RBMX: variants seen among roughly 807,000 people sequenced by gnomAD.
RBMX encodes RNA binding motif protein X-linked, also known as RNA-binding motif protein, X chromosome.
A neutral mutation model predicts 29.3 loss-of-function variants in RBMX; 1 was observed. That is an observed-to-expected ratio of 0.03 (90% CI 0.01 to 0.16). The LOEUF is 0.16. Ranked by LOEUF, RBMX falls within the 10% of genes least tolerant of loss-of-function variation. RBMX has a pLI of 1.00. For missense variants in RBMX, 121 were observed against 333.2 expected (o/e 0.36, Z 4.96); for synonymous variants, 102 against 102.3 (o/e 1.00, Z 0.02).
At chrX:136,874,973 T>G in intron 8 of RBMX, 113 bp downstream of exon 8, 1 of 1,109,901 alleles carries the variant, frequency 9.0e-7, no homozygotes, top group Non-Finnish European at 1.2e-6. Context: ...AGTTACCCCT[T>G]TAAAAGCAAG....
chrX:136,874,084 A>G lies in RBMX; in HGVS notation c.*58T>C. 8.6e-7 allele frequency: 1 copy of G among 1,157,060 alleles called. No homozygotes were observed. The highest frequency in any genetic ancestry group is 1.1e-6 in the Non-Finnish European group (1 of 870,176). On this transcript the variant is annotated 3_prime_UTR_variant, in exon 9 of 9. Coordinates refer to ENST00000320676, the MANE Select transcript of RBMX (RefSeq NM_002139.4). ...GTAGTCCTTGGGTAGTTATGATAGA[A>G]TAGTTTCCACTTTTTGTTTCTTTGA...
intron 8 of RBMX, chrX:136,874,821 G>T: frequency 2.4e-6 from 1 of 418,494 alleles, no homozygotes; most frequent in Non-Finnish European, 3.6e-6. Flanking sequence ...TTTTTAAATT[G>T]TATTTTCACT....
At chrX:136,872,201 C>T (rs993513566), downstream of RBMX, 2 of 877,779 alleles carry the variant, frequency 2.3e-6, no homozygotes, top group African/African-American at 4.1e-5. Flanking sequence ...TTGCCAATGT[C>T]ACAGCTAAAC....
At chrX:136,878,338 T>C (rs1396916818) in intron 3 of RBMX, among the ~76,000 whole-genome samples, 1 of 111,224 alleles carries the variant, frequency 9.0e-6, no homozygotes, top group Non-Finnish European at 1.9e-5. Flanking sequence ...TATTGTATGG[T>C]AAAATTTAAA....
chrX:136,871,108 G>A (rs1352234224), downstream of RBMX, among the ~76,000 whole-genome samples: 2 of 101,903 alleles, frequency 2.0e-5, no homozygotes, highest in Non-Finnish European at 4.0e-5. Flanking sequence ...GTGCAAAACT[G>A]TCTCAGAAGA....
chrX:136,873,968 CAT>C lies in RBMX; in HGVS notation c.*172_*173del, dbSNP rs1304080406. On this transcript the variant is annotated 3_prime_UTR_variant, in exon 9 of 9. Transcript: ENST00000320676. Reference sequence around the variant, plus strand: ...AATGCGAAAGTCAAATAAAATTAAACATGTTTTACTTTTTTCCTCACAAGAAC... The same window carrying C: ...AATGCGAAAGTCAAATAAAATTAAACGTTTTACTTTTTTCCTCACAAGAAC... The C allele has an allele frequency of 1.1e-5, 12 of 1,080,470 alleles. No individual in the cohort carries two copies. Among genetic ancestry groups the C allele is most frequent in the Non-Finnish European group, 9.6e-6 (8 of 833,654 alleles). 89.0% of individuals were successfully genotyped at this position (1,080,470 alleles called of 1,213,427 possible).
Position 136,876,584 on chromosome X carries a change from G to T in RBMX, c.460C>A (p.Pro154Thr). The T allele has an allele frequency of 8.3e-7, 1 of 1,209,076 alleles. No homozygotes were observed. The highest frequency in any genetic ancestry group is 1.1e-6 in the Non-Finnish European group (1 of 894,122). ...RGPLPVKRGP[P>T]PRSGGPPPKR... The stretch of plus-strand genomic sequence containing the variant: ...GGAGGAGGACCCCCACTTCTTGGTG[G>T]TGGTCCTCTTTTTACTGGGAGTGGT... Residue 154 changes from proline (P) to threonine (T), a missense_variant, in exon 5 of 9, where the codon CCA (proline) becomes ACA (threonine). Transcript: ENST00000320676.
chrX:136,872,001 G>A (rs767322210), downstream of RBMX, among the ~76,000 whole-genome samples: 8 of 111,040 alleles, frequency 7.2e-5, no homozygotes, highest in African/African-American at 9.8e-5. Flanking sequence ...GCTTGCATAT[G>A]AAGAGCTATA....
intron 4 of RBMX, 60 bp from the exon 5 acceptor site, chrX:136,876,715 A>AT: frequency 1.4e-5 from 13 of 942,501 alleles, no homozygotes; most frequent in South Asian, 2.7e-5. Context: ...AAGATATAAA[A>AT]GTTTTTTTTT....
intron 4 of RBMX, among the ~76,000 whole-genome samples, chrX:136,877,009 G>A (rs1408596654): frequency 9.3e-6 from 1 of 107,584 alleles, no homozygotes; most frequent in Non-Finnish European, 1.9e-5. Context: ...ACCAGGCTCG[G>A]CCACTATAAA....
intron 8 of RBMX, 154 bp from the exon 9 acceptor site, chrX:136,874,606 T>C: frequency 3.1e-6 from 2 of 639,173 alleles, no homozygotes; most frequent in Non-Finnish European, 4.7e-6. Context: ...TAACAGGGAT[T>C]TGCTCATCTG....
chrX:136,877,513 C>A (rs192096760), intron 4 of RBMX, among the ~76,000 whole-genome samples: 75 of 103,191 alleles, frequency 7.3e-4, no homozygotes, highest in African/African-American at 2.6e-3. Context: ...TACAGTGGCA[C>A]GATCTCAACT....
At chrX:136,877,887 C>A in intron 4 of RBMX, 28 bp downstream of exon 4, 1 of 1,144,850 alleles carries the variant, frequency 8.7e-7, no homozygotes. Context: ...ACTTATACAC[C>A]AAACCCGAGG....
At position 136,879,269 on chromosome X, in the gene RBMX, A is replaced by G. The variant is rs755422702; in HGVS notation, c.109+50T>C. 82 of 1,195,377 alleles carry G rather than the reference A, an allele frequency of 6.9e-5. No individual in the cohort carries two copies. In the Middle Eastern group the frequency reaches 6.9e-4, roughly 10 times the overall value. On this transcript the variant is annotated intron_variant, in intron 2 of 8. Coordinates refer to ENST00000320676, the MANE Select transcript of RBMX (RefSeq NM_002139.4). ...CGATCAATGCAATCAAATTCATCAT[A>G]GCTTATATTTTAATTATAATAGCCC...
chrX:136,875,989 A>G (rs1234276976), intron 5 of RBMX, among the ~76,000 whole-genome samples: 1 of 110,480 alleles, frequency 9.1e-6, no homozygotes, highest in Non-Finnish European at 1.9e-5. Context: ...TTTAGTAGAG[A>G]CAGGGTTTCA....
At chrX:136,878,838 G>A (rs1218550028) in intron 3 of RBMX, among the ~76,000 whole-genome samples, 179 bp downstream of exon 3, 1 of 109,985 alleles carries the variant, frequency 9.1e-6, no homozygotes, top group Non-Finnish European at 1.9e-5. Flanking sequence ...TACTAGATTT[G>A]GTTCTGCAAT....
chrX:136,879,245 G>C (rs202181574), intron 2 of RBMX, 74 bp downstream of exon 2: 6 of 1,191,210 alleles, frequency 5.0e-6, no homozygotes, highest in Non-Finnish European at 6.8e-6. Context: ...CATGTCAGAC[G>C]ATCAATGCAA....
At chrX:136,872,416 G>A (rs765607075), downstream of RBMX, 3 of 929,680 alleles carry the variant, frequency 3.2e-6, no homozygotes, top group Non-Finnish European at 4.5e-6. Context: ...GCCTATTACT[G>A]CCCTCTTTTC....
rs954624641 is a variant in RBMX, at chrX:136,873,554, C to T, written c.*588G>A. On this transcript the variant is annotated 3_prime_UTR_variant, in exon 9 of 9. Transcript: ENST00000320676. ...GGGGAAGGGAAAGGGGAGGTTCTTG[C>T]AGATTCCCAAGGAAATGTCAGAAAG... 1.7e-5 allele frequency: 13 copies of T among 752,431 alleles called. No individual in the cohort carries two copies. The African/African-American group carries it at 3.0e-4, about 17-fold the overall frequency. 62.0% of individuals were successfully genotyped at this position (752,431 alleles called of 1,213,427 possible).
Sources: allele counts gnomAD v4.1 joint callset (sites outside exome capture counted in the v4.1 genomes callset), GRCh38; gene constraint gnomAD v4.1.1; transcripts MANE v1.5; gene names NCBI Gene and HGNC (gene_info 2026-07-23, HGNC 2026-07-21).